DIRAS2: variants seen among roughly 807,000 people sequenced by gnomAD.
DIRAS2 encodes DIRAS family GTPase 2, also known as GTP-binding protein Di-Ras2.
In DIRAS2, 5 loss-of-function variants were observed where a neutral mutation model predicts 13.9. The ratio of observed to expected loss-of-function variants is 0.36; its 90% CI spans 0.19 to 0.76. The LOEUF is 0.76. DIRAS2 is among the 30% of genes least tolerant of loss of function. The pLI is 0.53. For missense variants in DIRAS2, 191 were observed against 263.0 expected, an observed-to-expected ratio of 0.73 and a Z score of 1.89; for synonymous variants, 111 against 105.4, an observed-to-expected ratio of 1.05 and a Z score of -0.33.
chr9:90,630,657 G>A (rs1428342574), intron 1 of DIRAS2, among the ~76,000 whole-genome samples: 1 of 152,224 alleles, frequency 6.6e-6, no homozygotes. Flanking sequence ...AAGAGTTGCA[G>A]AACTAATATC....
intron 1 of DIRAS2, among the ~76,000 whole-genome samples, chr9:90,639,895 T>G (rs956574978): frequency 2.0e-5 from 3 of 152,188 alleles, no homozygotes; most frequent in African/African-American, 7.2e-5. Flanking sequence ...TAGTTGGTGA[T>G]GGCGCCGAAC....
chr9:90,613,176 G>A lies in DIRAS2; in HGVS notation c.*52C>T. On this transcript the variant is annotated 3_prime_UTR_variant, in exon 2 of 2. Coordinates refer to ENST00000375765, the MANE Select transcript of DIRAS2 (RefSeq NM_017594.5). This position sits in a 1 kb window ranked among gnomAD's most constrained non-coding sequence, Gnocchi z 5.6. ...CCCTGACGACGGTGGGTGTCATTTT[G>A]GGGGAGTGAGGTGCCGGGGACACAC... 1.9e-6 allele frequency: 3 copies of A among 1,569,728 alleles called. No homozygotes were observed. Among genetic ancestry groups the A allele is most frequent in the Non-Finnish European group, 2.6e-6 (3 of 1,159,072 alleles).
intron 1 of DIRAS2, among the ~76,000 whole-genome samples, chr9:90,640,734 A>C (rs996495588): frequency 6.6e-6 from 1 of 152,204 alleles, no homozygotes; most frequent in African/African-American, 2.4e-5. Flanking sequence ...GCAGATCAAC[A>C]CCAAACACTT....
rs1436596886 is a variant in DIRAS2, at chr9:90,635,152, G to A, written c.-37+7600C>T. On this transcript the variant is annotated intron_variant, in intron 1 of 1. Transcript: ENST00000375765. ...TCCAAACACACATGGAAGAGGAGCA[G>A]ACAATCACAAGAGCCTAGGGGACCA... 2.0e-5 allele frequency among the ~76,000 whole-genome samples: 3 copies of A among 152,210 alleles called. 1 individual carries two copies. The East Asian group carries it at 5.8e-4, about 29-fold the overall frequency.
In DIRAS2 at chr9:90,616,472, T is replaced by C. The variant is rs766406665; in HGVS notation, c.-36-2609A>G. Among the ~76,000 whole-genome samples, 29 of 152,276 alleles carry C rather than the reference T, an allele frequency of 1.9e-4. 1 individual carries two copies. In the Middle Eastern group the frequency reaches 0.017, roughly 90 times the overall value. ...AGAGGTCTGAAGGAATTTCATGAAA[T>C]TTGAGATATCAGGAAGAATTTCACT... On this transcript the variant is annotated intron_variant, in intron 1 of 1. Transcript: ENST00000375765.
rs1354370732 is a variant in DIRAS2 at position 90,610,304 on chromosome 9, A to G, written c.*2924T>C. ...AGATATGTACAATTTATGACTTTATACTTCAAAAATGCAGGAAGATAAATT... is the reference window on the plus strand; with the variant it reads ...AGATATGTACAATTTATGACTTTATGCTTCAAAAATGCAGGAAGATAAATT... On this transcript the variant is annotated 3_prime_UTR_variant, in exon 2 of 2. Transcript: ENST00000375765. 1 of 397,888 alleles carries G rather than the reference A, an allele frequency of 2.5e-6. No homozygotes were observed. Among genetic ancestry groups the G allele is most frequent in the African/African-American group, 2.1e-5 (1 of 48,638 alleles). 24.6% of individuals were successfully genotyped at this position (397,888 alleles called of 1,614,324 possible).
At chr9:90,633,092 A>G (rs1437482626) in intron 1 of DIRAS2, among the ~76,000 whole-genome samples, 2 of 151,646 alleles carry the variant, frequency 1.3e-5, no homozygotes, top group Non-Finnish European at 2.9e-5. Context: ...AGGGGAAGCC[A>G]TGTGAGGAGA....
chr9:90,629,345 T>A (rs1825302713), intron 1 of DIRAS2, among the ~76,000 whole-genome samples: 1 of 152,186 alleles, frequency 6.6e-6, no homozygotes, highest in African/African-American at 2.4e-5. Context: ...TTAAATAAGC[T>A]TGATTTTTAA....
chr9:90,631,374 AG>A (rs1000646012), intron 1 of DIRAS2, among the ~76,000 whole-genome samples: 38 of 152,330 alleles, frequency 2.5e-4, no homozygotes, highest in African/African-American at 8.7e-4. Flanking sequence ...CACAGGGAAA[AG>A]GTCAACTTTT....
chr9:90,629,596 C>T (rs1264922207), intron 1 of DIRAS2, among the ~76,000 whole-genome samples: 3 of 151,964 alleles, frequency 2.0e-5, no homozygotes, highest in South Asian at 2.1e-4. Context: ...TGCGAGGGAT[C>T]GTTTCCAGGA....
intron 1 of DIRAS2, among the ~76,000 whole-genome samples, chr9:90,622,884 T>G (rs983254064): frequency 1.3e-5 from 2 of 152,200 alleles, no homozygotes; most frequent in Non-Finnish European, 2.9e-5. Flanking sequence ...TCCCAAAGCC[T>G]GGGGACACTT....
rs1825098274 is a variant in DIRAS2 at position 90,610,294 on chromosome 9, A to G, written c.*2934T>C. The stretch of plus-strand genomic sequence containing the variant: ...ACTAGCTTACAGATATGTACAATTT[A>G]TGACTTTATACTTCAAAAATGCAGG... On this transcript the variant is annotated 3_prime_UTR_variant, in exon 2 of 2. Coordinates refer to ENST00000375765, the MANE Select transcript of DIRAS2 (RefSeq NM_017594.5). 2 of 397,358 alleles carry G rather than the reference A, an allele frequency of 5.0e-6. No individual in the cohort carries two copies. The highest frequency in any genetic ancestry group is 2.1e-5 in the African/African-American group (1 of 48,638). 24.6% of individuals were successfully genotyped at this position (397,358 alleles called of 1,614,324 possible).
chr9:90,637,150 A>G (rs530350850), intron 1 of DIRAS2, among the ~76,000 whole-genome samples: 1 of 152,340 alleles, frequency 6.6e-6, no homozygotes, highest in East Asian at 1.9e-4. Context: ...TACAGTTTCT[A>G]CCGAATGTAT....
In DIRAS2 at chr9:90,610,027, G is replaced by T. The variant is rs1246217539; in HGVS notation, c.*3201C>A. 2 of 168,414 alleles carry T rather than the reference G, an allele frequency of 1.2e-5. No individual in the cohort carries two copies. The highest frequency in any genetic ancestry group is 3.1e-4 in the East Asian group (2 of 6,472). The allele number at this position is 168,414 out of a possible 1,614,324, so 10.4% of individuals were successfully genotyped here. On this transcript the variant is annotated 3_prime_UTR_variant, in exon 2 of 2. Transcript: ENST00000375765. ...GATATCCCACACATATAAAAGTCATGCTCTGCAAATACTTTGTATACACAC... is the reference window on the plus strand; with the variant it reads ...GATATCCCACACATATAAAAGTCATTCTCTGCAAATACTTTGTATACACAC...
chr9:90,637,451 T>C (rs1402550179), intron 1 of DIRAS2, among the ~76,000 whole-genome samples: 1 of 152,212 alleles, frequency 6.6e-6, no homozygotes, highest in Non-Finnish European at 1.5e-5. Flanking sequence ...ACACTTCAAA[T>C]TGGGTAGAGA....
At chr9:90,632,543 G>T (rs1176181371) in intron 1 of DIRAS2, among the ~76,000 whole-genome samples, 2 of 152,104 alleles carry the variant, frequency 1.3e-5, no homozygotes, top group African/African-American at 4.8e-5. Flanking sequence ...ATTTTCTCCA[G>T]CTTACATTTG....
chr9:90,612,326 A>G lies in DIRAS2; in HGVS notation c.*902T>C, dbSNP rs1004004272. The stretch of plus-strand genomic sequence containing the variant: ...CTGGGTACAGATCGAGTTATTTAAG[A>G]GAAGAAAACCACCTTGGAGGAAAAA... On this transcript the variant is annotated 3_prime_UTR_variant, in exon 2 of 2. Coordinates refer to ENST00000375765, the MANE Select transcript of DIRAS2 (RefSeq NM_017594.5). The G allele has an allele frequency of 1.3e-5, 2 of 152,586 alleles. No homozygotes were observed. The highest frequency in any genetic ancestry group is 2.9e-5 in the Non-Finnish European group (2 of 68,044). The allele number at this position is 152,586 out of a possible 1,614,324, so 9.5% of individuals were successfully genotyped here.
At chr9:90,617,944 C>T (rs995665763) in intron 1 of DIRAS2, among the ~76,000 whole-genome samples, 2 of 151,890 alleles carry the variant, frequency 1.3e-5, no homozygotes, top group African/African-American at 4.8e-5. Context: ...GGAAAAGCAC[C>T]CCATGTCATG....
At chr9:90,614,784 A>C (rs1479242458) in intron 1 of DIRAS2, among the ~76,000 whole-genome samples, 1 of 152,256 alleles carries the variant, frequency 6.6e-6, no homozygotes, top group Non-Finnish European at 1.5e-5. Context: ...GGATAGTAGC[A>C]TAAACTACTT....
Sources: gnomAD v4.1 joint callset for allele counts (sites outside exome capture counted in the v4.1 genomes callset) on GRCh38, gnomAD v4.1.1 for gene constraint, Gnocchi (gnomAD v3.1) non-coding constraint, MANE v1.5 for transcripts, NCBI Gene and HGNC (gene_info 2026-07-23, HGNC 2026-07-21) for gene names.